ACACB: variants seen among roughly 807,000 people sequenced by gnomAD.
ACACB encodes acetyl-CoA carboxylase 2.
ACACB carries 209 observed loss-of-function variants against 278.8 expected under a neutral mutation model. The observed-to-expected ratio is 0.75, with a 90% CI of 0.67 to 0.84. The LOEUF (loss-of-function observed/expected upper bound fraction) is 0.84. Among genes scored for constraint, ACACB ranks in the 40% least tolerant of loss-of-function variants. The pLI is 0.00. For synonymous variants in ACACB, 1,174 were observed against 1,285.6 expected, an observed-to-expected ratio of 0.91 and a Z score of 1.86; for missense variants, 2,850 against 3,269.0, an observed-to-expected ratio of 0.87 and a Z score of 3.13.
At chr12:109,206,201 C>T (rs1371120416) in intron 19 of ACACB, among the ~76,000 whole-genome samples, 1 of 152,006 alleles carries the variant, frequency 6.6e-6, no homozygotes. Flanking sequence ...TTTGGGAGGC[C>T]AAGGCGGGCA....
intron 7 of ACACB, 103 bp downstream of exon 7, chr12:109,174,333 A>C (rs1188804040): frequency 1.2e-6 from 1 of 837,448 alleles, no homozygotes; most frequent in East Asian, 3.2e-5. Context: ...TCTTTCCATT[A>C]CAAATGTTAC....
At chr12:109,159,321 T>A (rs985299493) in intron 2 of ACACB, among the ~76,000 whole-genome samples, 3 of 152,134 alleles carry the variant, frequency 2.0e-5, no homozygotes, top group African/African-American at 4.8e-5. Flanking sequence ...GCCGTTACCA[T>A]CTCTATTTTA....
Position 109,122,491 on chromosome 12 carries a change from T to C in ACACB, c.-10+5787T>C, listed in dbSNP as rs148823619. On this transcript the variant is annotated intron_variant, in intron 1 of 52. Coordinates refer to ENST00000338432, the MANE Select transcript of ACACB (RefSeq NM_001093.4). ...TGGGAGGCCGAGGAGGGGGATTGCT[T>C]GAGCCCAGGAATTCAAGGCTGCAAT... is the stretch of plus-strand genomic sequence containing the variant. Among the ~76,000 whole-genome samples, 50 of 147,536 alleles carry C rather than the reference T, an allele frequency of 3.4e-4. 1 individual carries two copies. In the East Asian group the frequency reaches 9.9e-3, roughly 29 times the overall value.
intron 52 of ACACB, among the ~76,000 whole-genome samples, chr12:109,266,001 G>A (rs982995410): frequency 6.6e-6 from 1 of 152,246 alleles, no homozygotes; most frequent in Non-Finnish European, 1.5e-5. Flanking sequence ...GCAGTGTCTT[G>A]TCTCAGGTCA....
intron 20 of ACACB, 126 bp from the exon 21 acceptor site, chr12:109,209,039 T>G: frequency 9.3e-7 from 1 of 1,078,838 alleles, no homozygotes; most frequent in Non-Finnish European, 1.3e-6. Flanking sequence ...GGCTGCTGGG[T>G]CTGGATCTTC....
chr12:109,145,988 A>G (rs124550), intron 2 of ACACB, among the ~76,000 whole-genome samples: 135,775 of 152,164 alleles, frequency 0.89, 60,845 homozygotes, highest in Middle Eastern at 0.93. Context: ...CAGCCTGGGC[A>G]ACAGAGTGAG....
At chr12:109,253,216 A>G in intron 43 of ACACB, 58 bp downstream of exon 43, 14 of 1,454,778 alleles carry the variant, frequency 9.6e-6, no homozygotes, top group Non-Finnish European at 1.3e-5. Context: ...CTCATTGGCT[A>G]ATTCTGTCCC....
chr12:109,215,877 G>T (rs1238579178), intron 22 of ACACB, among the ~76,000 whole-genome samples: 5 of 150,832 alleles, frequency 3.3e-5, no homozygotes, highest in Non-Finnish European at 7.4e-5. Flanking sequence ...GCTCACAACA[G>T]CCTTGACCTC....
At chr12:109,258,016 G>T (rs548733052) in intron 45 of ACACB, among the ~76,000 whole-genome samples, 15 of 152,332 alleles carry the variant, frequency 9.8e-5, no homozygotes, top group African/African-American at 3.6e-4. Context: ...AAGTTCTAGT[G>T]GTTCATGCTG....
chr12:109,258,813 C>T (rs988419759), intron 46 of ACACB, among the ~76,000 whole-genome samples, 160 bp from the exon 47 acceptor site: 2 of 152,158 alleles, frequency 1.3e-5, no homozygotes, highest in Admixed American at 1.3e-4. Context: ...TGGTCCTGAG[C>T]GGAGGAGATG....
chr12:109,246,356 G>A lies in ACACB; in HGVS notation c.5479G>A (p.Val1827Met), dbSNP rs563984467. 83 of 1,613,042 alleles carry A rather than the reference G, an allele frequency of 5.1e-5. No homozygotes were observed. The highest frequency in any genetic ancestry group is 2.5e-4 in the East Asian group (11 of 44,848). Residue 1827 changes from valine to methionine, a missense_variant, in exon 39 of 53, where the codon GTG becomes ATG. Coordinates refer to ENST00000338432, the MANE Select transcript of ACACB (RefSeq NM_001093.4). ...ARAEGIPKIYVAANSGARIGM... is the reference protein window; with the variant it reads ...ARAEGIPKIYMAANSGARIGM... ...GGCAGAGGGCATTCCCAAAATTTAC[G>A]TGGCAGCCAACAGTGGCGCCCGTAT...
chr12:109,260,694 T>G, intron 48 of ACACB, 37 bp downstream of exon 48: 1 of 1,501,856 alleles, frequency 6.7e-7, no homozygotes, highest in Non-Finnish European at 8.9e-7. Flanking sequence ...TAGCCTTTTC[T>G]TGTTCTCCCA....
At chr12:109,264,061 C>T in intron 49 of ACACB, 171 bp from the exon 50 acceptor site, 1 of 796,608 alleles carries the variant, frequency 1.3e-6, no homozygotes, top group Non-Finnish European at 2.0e-6. Context: ...GGGCTGAGGG[C>T]AGCCTGTGTA....
At chr12:109,186,856 A>C (rs1481804703) in intron 12 of ACACB, among the ~76,000 whole-genome samples, 7 of 152,140 alleles carry the variant, frequency 4.6e-5, no homozygotes, top group Admixed American at 4.6e-4. Flanking sequence ...GTATGGTAAC[A>C]GCCCAGGCAC....
intron 24 of ACACB, among the ~76,000 whole-genome samples, chr12:109,218,529 T>C (rs1227855065): frequency 6.6e-6 from 1 of 151,832 alleles, no homozygotes; most frequent in Non-Finnish European, 1.5e-5. Flanking sequence ...TGGCCGATAA[T>C]AGCAGTCTTT....
intron 22 of ACACB, among the ~76,000 whole-genome samples, chr12:109,213,236 G>A (rs1359402529): frequency 6.6e-6 from 1 of 152,054 alleles, no homozygotes; most frequent in Admixed American, 6.6e-5. Flanking sequence ...GCTAATTCTT[G>A]TACTTTTAGT....
In ACACB at chr12:109,265,161, C is replaced by T. The variant is rs753504188; in HGVS notation, c.6994C>T (p.Arg2332Cys). The change falls in exon 51 of 53, where the codon CGC becomes TGC. Residue 2332 changes from arginine (R) to cysteine (C), a missense_variant. Physicochemically the swap from Arg to Cys is radical, Grantham distance 180. Coordinates refer to ENST00000338432, the MANE Select transcript of ACACB (RefSeq NM_001093.4). ...CACCTTCCTGTATTGGCGTCTGCGCCGCCTCCTCCTGGAGGACCAGGTCAA... is the reference window on the plus strand; with the variant it reads ...CACCTTCCTGTATTGGCGTCTGCGCTGCCTCCTCCTGGAGGACCAGGTCAA... ...ARTFLYWRLR[R>C]LLLEDQVKQE... 4.3e-6 allele frequency: 7 copies of T among 1,613,746 alleles called. No individual in the cohort carries two copies. The African/African-American group carries it at 5.3e-5, about 12-fold the overall frequency.
rs776234149 is a variant in ACACB at position 109,241,080 on chromosome 12, C to T, written c.4821C>T (p.Ile1607=). ...VPTVIMDPFK[I]EESVRYMVMR... Reference sequence around the variant, plus strand: ...GGAATTGCTGTGTTTTGGGGCAGATCGAGGAGTCCGTGCGCTACATGGTTA... The same window carrying T: ...GGAATTGCTGTGTTTTGGGGCAGATTGAGGAGTCCGTGCGCTACATGGTTA... Residue 1607 remains isoleucine, a splice_region_variant and synonymous_variant, in exon 36 of 53, where the codon ATC becomes ATT. Coordinates refer to ENST00000338432, the MANE Select transcript of ACACB (RefSeq NM_001093.4). The T allele has an allele frequency of 4.3e-6, 7 of 1,613,598 alleles. No individual in the cohort carries two copies. In the South Asian group the frequency reaches 4.4e-5, roughly 10 times the overall value.
At chr12:109,152,372 A>C (rs1396368662) in intron 2 of ACACB, among the ~76,000 whole-genome samples, 1 of 152,230 alleles carries the variant, frequency 6.6e-6, no homozygotes, top group Non-Finnish European at 1.5e-5. Flanking sequence ...ATCTCTAAAA[A>C]TCAGGATACA....
Sources: gnomAD v4.1 joint callset for allele counts (sites outside exome capture counted in the v4.1 genomes callset) on GRCh38, gnomAD v4.1.1 for gene constraint, MANE v1.5 for transcripts, NCBI Gene and HGNC (gene_info 2026-07-23, HGNC 2026-07-21) for gene names.